The following LGI1 variants were observed in gnomAD, a reference collection of about 807,000 sequenced individuals.
LGI1 encodes the protein leucine rich glioma inactivated 1.
LGI1 carries 11 observed loss-of-function variants against 57.7 expected under a neutral mutation model. That is an observed-to-expected ratio of 0.19 (90% confidence interval 0.12 to 0.32). The LOEUF (loss-of-function observed/expected upper bound fraction) is 0.32, where lower values mean the gene tolerates loss of function less well. Among genes scored for constraint, LGI1 ranks in the 10% least tolerant of loss-of-function variants. The pLI is 1.00. For synonymous variants in LGI1, 222 were observed against 241.9 expected, an observed-to-expected ratio of 0.92 and a Z score of 0.76; for missense variants, 422 against 661.9, an observed-to-expected ratio of 0.64 and a Z score of 3.98.
chr10:93,771,521 T>TG (rs1422067569), intron 2 of LGI1: 2 of 151,604 alleles, frequency 1.3e-5, no homozygotes, highest in Non-Finnish European at 2.9e-5. Context: ...CTGAGAAGGG[T>TG]GGGGGTGTAG....
chr10:93,772,335 T>C (rs1402094043), intron 2 of LGI1, among the ~76,000 whole-genome samples: 1 of 152,172 alleles, frequency 6.6e-6, no homozygotes, highest in East Asian at 1.9e-4. Context: ...TTAAAAACCT[T>C]CTATAATCTA....
intron 2 of LGI1, chr10:93,768,830 G>A (rs1172972111): frequency 2.0e-5 from 3 of 152,190 alleles, no homozygotes; most frequent in Non-Finnish European, 4.4e-5. Flanking sequence ...TGTAAAAAGA[G>A]GAGTTGGACT....
In LGI1 at chr10:93,796,039, C is replaced by A. The variant is rs189675426; in HGVS notation, c.839-929C>A. On this transcript the variant is annotated intron_variant, in intron 7 of 7. Transcript: ENST00000371418. ...TTCTAGAGCCAAACTCCTGCAAGAT[C>A]AGAATCTACTGATAAATGTCAAACT... 8.5e-4 allele frequency among the ~76,000 whole-genome samples: 129 copies of A among 152,346 alleles called. 1 individual carries two copies. Among genetic ancestry groups the A allele is most frequent in the Non-Finnish European group, 1.3e-3 (90 of 68,036 alleles).
rs759820733 is a variant in LGI1 at position 93,758,394 on chromosome 10, G to T, written c.215+35G>T. ...GTAAGCATTTTGATATCTAATTTAC[G>T]ATTTAAAAATTCCAGCCGGTGGATT... On this transcript the variant is annotated intron_variant, in intron 1 of 7. Transcript: ENST00000371418. The surrounding 1 kb of genome is among the most constrained non-coding windows in gnomAD (Gnocchi z 4.7). The T allele has an allele frequency of 5.0e-6, 8 of 1,596,948 alleles. No homozygotes were observed. Among genetic ancestry groups the T allele is most frequent in the Non-Finnish European group, 6.0e-6 (7 of 1,165,120 alleles).
intron 2 of LGI1, among the ~76,000 whole-genome samples, chr10:93,765,930 A>C (rs184292102): frequency 0.011 from 1,611 of 148,328 alleles, 9 homozygotes; most frequent in Middle Eastern, 0.029. Context: ...AGATCGCGCC[A>C]CTGCACTCCA....
intron 2 of LGI1, chr10:93,770,967 TG>T (rs1327561839): frequency 6.6e-6 from 1 of 152,122 alleles, no homozygotes; most frequent in Non-Finnish European, 1.5e-5. Context: ...AGTATATTAT[TG>T]AGCACTAAAC....
At chr10:93,790,743 A>G (rs1374859546) in intron 5 of LGI1, 1 of 152,492 alleles carries the variant, frequency 6.6e-6, no homozygotes, top group African/African-American at 2.4e-5. Context: ...TTTTCAAACA[A>G]AAGAGCTTTC....
intron 2 of LGI1, among the ~76,000 whole-genome samples, chr10:93,774,575 A>C (rs1016046179): frequency 6.6e-6 from 1 of 152,174 alleles, no homozygotes; most frequent in Admixed American, 6.5e-5. Context: ...CCAGATCCCC[A>C]AGAAGGGTGT....
At chr10:93,791,555 C>T (rs551107429) in intron 5 of LGI1, 1 of 152,190 alleles carries the variant, frequency 6.6e-6, no homozygotes, top group Non-Finnish European at 1.5e-5. Context: ...TGCCAACTTG[C>T]CTTTTAGTGG....
intron 7 of LGI1, chr10:93,793,943 T>C (rs982686415): frequency 2.6e-5 from 4 of 152,118 alleles, no homozygotes; most frequent in African/African-American, 9.7e-5. Flanking sequence ...AGTGAGGAAA[T>C]TTTTCCAATA....
intron 4 of LGI1, among the ~76,000 whole-genome samples, chr10:93,784,537 A>G (rs1021165748): frequency 1.4e-4 from 21 of 152,164 alleles, no homozygotes; most frequent in Non-Finnish European, 3.1e-4. Context: ...TCTGGGCCCT[A>G]AAGTGAGTCT....
At chr10:93,767,659 T>G (rs2059692847) in intron 2 of LGI1, 1 of 152,186 alleles carries the variant, frequency 6.6e-6, no homozygotes, top group South Asian at 2.1e-4. Flanking sequence ...TCTGTCTCCA[T>G]ATAAGGAGCA....
chr10:93,782,785 G>T (rs989902497), intron 4 of LGI1: 1 of 152,226 alleles, frequency 6.6e-6, no homozygotes, highest in African/African-American at 2.4e-5. Context: ...TGCATTGCAG[G>T]GGGGCTGGTG....
chr10:93,768,697 G>C (rs1481993608), intron 2 of LGI1: 1 of 152,222 alleles, frequency 6.6e-6, no homozygotes, highest in Non-Finnish European at 1.5e-5. Context: ...ATGTTTGCTA[G>C]TGTGCATGTC....
At position 93,758,557 on chromosome 10, in the gene LGI1, C is replaced by G; in HGVS notation, c.215+198C>G. ...TGCTACTGAACATGCTTAGATACCC[C>G]CAGCCCTGAACATTATCATGAGAAA... On this transcript the variant is annotated intron_variant, in intron 1 of 7. Coordinates refer to ENST00000371418, the MANE Select transcript of LGI1 (RefSeq NM_005097.4). The surrounding 1 kb of genome is among the most constrained non-coding windows in gnomAD (Gnocchi z 4.7). 1.4e-6 allele frequency: 1 copy of G among 700,128 alleles called. No homozygotes were observed. The highest frequency in any genetic ancestry group is 2.5e-6 in the Non-Finnish European group (1 of 406,560). 43.4% of individuals were successfully genotyped at this position (700,128 alleles called of 1,614,324 possible).
chr10:93,758,152 C>A lies in LGI1; in HGVS notation c.8C>A (p.Ser3Ter). The A allele has an allele frequency of 1.2e-6, 2 of 1,614,032 alleles. No homozygotes were observed. The highest frequency in any genetic ancestry group is 8.5e-7 in the Non-Finnish European group (1 of 1,179,934). The change falls in exon 1 of 8, where the codon TCA (serine) becomes TAA (stop). Residue 3 changes from serine to a stop codon, truncating the protein, a stop_gained. Coordinates refer to ENST00000371418, the MANE Select transcript of LGI1 (RefSeq NM_005097.4). LOFTEE classifies it high-confidence loss of function. This position sits in a 1 kb window ranked among gnomAD's most constrained non-coding sequence, Gnocchi z 4.7. ...GGATATTTTCTCGACTGCATGGAATCAGAAAGAAGCAAAAGGATGGGAAAT... is the reference window on the plus strand; with the variant it reads ...GGATATTTTCTCGACTGCATGGAATAAGAAAGAAGCAAAAGGATGGGAAAT... ME[S>*]ERSKRMGNAC...
intron 4 of LGI1, chr10:93,782,962 G>A (rs1274326729): frequency 1.3e-5 from 2 of 152,234 alleles, no homozygotes; most frequent in Admixed American, 6.5e-5. Context: ...ACACCAAAGG[G>A]CAGGAAATGG....
chr10:93,761,541 A>T (rs756605806), intron 2 of LGI1, among the ~76,000 whole-genome samples: 12 of 152,174 alleles, frequency 7.9e-5, no homozygotes, highest in Non-Finnish European at 1.5e-4. Flanking sequence ...TGAAAAAGCT[A>T]TGATGAGAAG....
intron 2 of LGI1, among the ~76,000 whole-genome samples, chr10:93,762,204 A>T (rs1407746058): frequency 6.6e-6 from 1 of 152,240 alleles, no homozygotes; most frequent in East Asian, 1.9e-4. Context: ...ATCCGACATG[A>T]CCAGAAAAAA....
Sources: allele counts gnomAD v4.1 joint callset (sites outside exome capture counted in the v4.1 genomes callset), GRCh38; gene constraint gnomAD v4.1.1; non-coding constraint Gnocchi (gnomAD v3.1); transcripts MANE v1.5; gene names NCBI Gene and HGNC (gene_info 2026-07-23, HGNC 2026-07-21).